The following PARP4 variants were observed in gnomAD, a reference collection of about 807,000 sequenced individuals.
PARP4 encodes the protein protein mono-ADP-ribosyltransferase PARP4.
PARP4 carries 120 observed loss-of-function variants against 187.7 expected under a neutral mutation model. That is an observed-to-expected ratio of 0.64 (90% CI 0.55 to 0.74). The LOEUF (loss-of-function observed/expected upper bound fraction) is 0.74. PARP4 is among the 30% of genes least tolerant of loss of function. The pLI, the probability that PARP4 is intolerant of heterozygous loss-of-function variation, is 0.00. For missense variants in PARP4, 1,836 were observed against 2,070.5 expected, an observed-to-expected ratio of 0.89 and a Z score of 2.20; for synonymous variants, 654 against 740.9, an observed-to-expected ratio of 0.88 and a Z score of 1.90.
Position 24,435,077 on chromosome 13 carries a change from G to GAT in PARP4, c.4063_4064insAT (p.Pro1355HisfsTer53). The GAT allele has an allele frequency of 6.2e-7, 1 of 1,614,190 alleles. No individual in the cohort carries two copies. The highest frequency in any genetic ancestry group is 8.5e-7 in the Non-Finnish European group (1 of 1,180,044). Reference sequence around the variant, plus strand: ...TTGAGATGCATCAAACTGTCTGGGAGGAGCAGCTGAACCGAAACTAGCTAC... The same window carrying GAT: ...TTGAGATGCATCAAACTGTCTGGGAGATGAGCAGCTGAACCGAAACTAGCTAC... On this transcript the variant is annotated frameshift_variant, in exon 31 of 34. Coordinates refer to ENST00000381989, the MANE Select transcript of PARP4 (RefSeq NM_006437.4). LOFTEE classifies it high-confidence loss of function.
intron 17 of PARP4, 55 bp downstream of exon 17, chr13:24,468,969 G>T: frequency 1.7e-6 from 2 of 1,187,750 alleles, no homozygotes; most frequent in Non-Finnish European, 1.3e-6. Flanking sequence ...TTCATATCTT[G>T]TTCTAACTCT....
At chr13:24,443,502 G>GGCA (rs893133161) in intron 28 of PARP4, 148 bp downstream of exon 28, 1 of 640,666 alleles carries the variant, frequency 1.6e-6, no homozygotes, top group African/African-American at 1.8e-5. Context: ...CCACATCCCA[G>GGCA]GCACAGTGTC....
At chr13:24,507,202 G>A (rs1010916231) in intron 1 of PARP4, among the ~76,000 whole-genome samples, 3 of 152,232 alleles carry the variant, frequency 2.0e-5, no homozygotes, top group African/African-American at 7.2e-5. Flanking sequence ...TGAAGGAGCC[G>A]GCTCCGGCCT....
At chr13:24,469,749 A>C in intron 16 of PARP4, 145 bp downstream of exon 16, 1 of 845,908 alleles carries the variant, frequency 1.2e-6, no homozygotes, top group Non-Finnish European at 1.8e-6. Flanking sequence ...ACTGCGCAAG[A>C]ACTGATTCTT....
intron 32 of PARP4, among the ~76,000 whole-genome samples, chr13:24,430,196 T>C (rs145445002): frequency 2.0e-5 from 3 of 152,308 alleles, no homozygotes; most frequent in African/African-American, 7.2e-5. Flanking sequence ...TCACCCCTTT[T>C]TGGCCTAGTG....
chr13:24,452,144 A>G (rs1203741478), intron 24 of PARP4: 7 of 378,430 alleles, frequency 1.8e-5, no homozygotes, highest in Non-Finnish European at 2.8e-5. Context: ...CAGCAATCCT[A>G]GGAGGTAGGT....
chr13:24,497,101 C>A (rs1237819993), intron 6 of PARP4, among the ~76,000 whole-genome samples: 3 of 152,142 alleles, frequency 2.0e-5, no homozygotes, highest in African/African-American at 7.2e-5. Flanking sequence ...GGTGTTGCAG[C>A]ATTTTATTTG....
chr13:24,464,451 C>A (rs769153658), intron 17 of PARP4, among the ~76,000 whole-genome samples: 1 of 152,076 alleles, frequency 6.6e-6, no homozygotes, highest in Admixed American at 6.6e-5. Flanking sequence ...AAAATAGACA[C>A]ATAGACCAAT....
chr13:24,452,342 C>T, intron 24 of PARP4, 64 bp downstream of exon 24: 1 of 1,367,226 alleles, frequency 7.3e-7, no homozygotes, highest in South Asian at 1.3e-5. Flanking sequence ...CCAAAGTCCC[C>T]TGCAGGGCAA....
intron 31 of PARP4, 140 bp downstream of exon 31, chr13:24,434,255 T>C (rs567076413): frequency 8.3e-4 from 415 of 499,924 alleles, no homozygotes; most frequent in Non-Finnish European, 1.1e-3. Flanking sequence ...AAGGAAGCAG[T>C]ATGATTTATA....
intron 1 of PARP4, 60 bp from the exon 2 acceptor site, chr13:24,503,837 A>C: frequency 6.9e-7 from 1 of 1,443,114 alleles, no homozygotes; most frequent in Non-Finnish European, 9.7e-7. Flanking sequence ...TGAATTTAGA[A>C]TTATTATACA....
chr13:24,490,933 C>T, intron 9 of PARP4, 105 bp from the exon 10 acceptor site: 1 of 1,053,532 alleles, frequency 9.5e-7, no homozygotes, highest in South Asian at 1.6e-5. Flanking sequence ...TCCATTTTCC[C>T]CCAAAGCTTG....
At chr13:24,504,857 C>G (rs1192534527) in intron 1 of PARP4, among the ~76,000 whole-genome samples, 1 of 151,844 alleles carries the variant, frequency 6.6e-6, no homozygotes, top group Non-Finnish European at 1.5e-5. Context: ...TGACACCTGG[C>G]TAACTTTTGT....
rs142406136 is a variant in PARP4 at position 24,471,326 on chromosome 13, G to A, written c.1915-1301C>T. Among the ~76,000 whole-genome samples, 458 of 152,288 alleles carry A rather than the reference G, an allele frequency of 3.0e-3. 2 individuals are homozygous for A. Among genetic ancestry groups the A allele is most frequent in the African/African-American group, 1.0e-2 (414 of 41,556 alleles). The stretch of plus-strand genomic sequence containing the variant: ...CCTGCCTGTTCTAGTTAGCAGGCCC[G>A]CCTTTGCGCAGGAGTCCCCAGACAT... On this transcript the variant is annotated intron_variant, in intron 15 of 33. Transcript: ENST00000381989.
intron 16 of PARP4, among the ~76,000 whole-genome samples, chr13:24,469,495 T>C (rs1249688081): frequency 7.2e-5 from 11 of 152,232 alleles, no homozygotes; most frequent in Admixed American, 7.2e-4. Context: ...CTTTTCTTTT[T>C]TTTTAGAAAG....
At chr13:24,495,123 G>A (rs1415359198) in intron 6 of PARP4, among the ~76,000 whole-genome samples, 2 of 151,964 alleles carry the variant, frequency 1.3e-5, no homozygotes, top group Non-Finnish European at 2.9e-5. Context: ...CACCCACCTC[G>A]GCCTCCCAAA....
chr13:24,504,765 C>T (rs1001178585), intron 1 of PARP4, among the ~76,000 whole-genome samples: 1 of 151,238 alleles, frequency 6.6e-6, no homozygotes, highest in Non-Finnish European at 1.5e-5. Context: ...GCAATTTTGG[C>T]TTACTGCAAC....
chr13:24,438,886 G>A (rs1210136679), intron 30 of PARP4, among the ~76,000 whole-genome samples: 1 of 152,216 alleles, frequency 6.6e-6, no homozygotes, highest in African/African-American at 2.4e-5. Context: ...ATGACTCCGT[G>A]TAGAATGCGG....
Position 24,478,181 on chromosome 13 carries a change from T to C in PARP4, c.1544A>G (p.Glu515Gly). The C allele has an allele frequency of 1.2e-6, 2 of 1,613,898 alleles. No individual in the cohort carries two copies. Among genetic ancestry groups the C allele is most frequent in the South Asian group, 2.2e-5 (2 of 91,062 alleles). The change falls in exon 13 of 34, where the codon GAG becomes GGG. Residue 515 changes from glutamate to glycine, a missense_variant. Transcript: ENST00000381989. The part of the protein sequence containing the change: ...VALGKCMDLH[E>G]KDFSLTEAPP... The stretch of plus-strand genomic sequence containing the variant: ...TGCTTCAGTTAAGGAAAAGTCCTTC[T>C]CATGTAAGTCCATACACTTTCCGAG...
Sources: gnomAD v4.1 joint callset for allele counts (sites outside exome capture counted in the v4.1 genomes callset) on GRCh38, gnomAD v4.1.1 for gene constraint, MANE v1.5 for transcripts, NCBI Gene and HGNC (gene_info 2026-07-23, HGNC 2026-07-21) for gene names.